CTCF: variants seen among roughly 807,000 people sequenced by gnomAD.
CTCF encodes transcriptional repressor CTCF.
In CTCF, 7 loss-of-function variants were observed where a neutral mutation model predicts 72.3. That is an observed-to-expected ratio of 0.10 (90% CI 0.06 to 0.18). The LOEUF (loss-of-function observed/expected upper bound fraction) is 0.18, where lower values mean the gene tolerates loss of function less well. Among genes scored for constraint, CTCF ranks in the 10% least tolerant of loss-of-function variants. The pLI, the probability that CTCF is intolerant of heterozygous loss-of-function variation, is 1.00. For synonymous variants in CTCF, 374 were observed against 315.8 expected (o/e 1.18, Z -1.95); for missense variants, 516 against 949.1 (o/e 0.54, Z 6.00).
intron 4 of CTCF, chr16:67,614,350 A>G (rs1207395477): frequency 5.9e-5 from 9 of 151,732 alleles, no homozygotes; most frequent in African/African-American, 2.2e-4. Flanking sequence ...CCATCTCAAA[A>G]AAAAAAAAAA....
intron 2 of CTCF, among the ~76,000 whole-genome samples, chr16:67,609,564 C>G (rs1442896211): frequency 6.7e-6 from 1 of 149,770 alleles, no homozygotes; most frequent in African/African-American, 2.5e-5. Flanking sequence ...CTTTAAGACT[C>G]TTTTATCTGT....
intron 2 of CTCF, among the ~76,000 whole-genome samples, chr16:67,586,484 C>T (rs894737212): frequency 4.7e-5 from 7 of 148,848 alleles, no homozygotes; most frequent in Admixed American, 4.1e-4. Flanking sequence ...TGCAGTGAGC[C>T]GAGATCGCGC....
chr16:67,604,545 G>A (rs541779341), intron 2 of CTCF, among the ~76,000 whole-genome samples: 1 of 152,162 alleles, frequency 6.6e-6, no homozygotes, highest in East Asian at 1.9e-4. Flanking sequence ...ATTTCGCCAT[G>A]TTAGCCAGGA....
At chr16:67,580,922 A>AT (rs1407694372) in intron 2 of CTCF, among the ~76,000 whole-genome samples, 1 of 142,726 alleles carries the variant, frequency 7.0e-6, no homozygotes, top group African/African-American at 2.6e-5. Flanking sequence ...GGATTTACTT[A>AT]TTTTTTATTT....
At position 67,637,673 on chromosome 16, in the gene CTCF, G is replaced by T; in HGVS notation, c.2000-15G>T. On this transcript the variant is annotated splice_polypyrimidine_tract_variant and intron_variant, in intron 11 of 11. Coordinates refer to ENST00000264010, the MANE Select transcript of CTCF (RefSeq NM_006565.4). Reference sequence around the variant, plus strand: ...TTAATGGACCATTTGTTCTGTCTGTGCTCTTCTTTGCCAGCAACAGCTATC... The same window carrying T: ...TTAATGGACCATTTGTTCTGTCTGTTCTCTTCTTTGCCAGCAACAGCTATC... The T allele has an allele frequency of 6.2e-7, 1 of 1,607,076 alleles. No homozygotes were observed. Among genetic ancestry groups the T allele is most frequent in the Non-Finnish European group, 8.5e-7 (1 of 1,175,480 alleles).
intron 2 of CTCF, among the ~76,000 whole-genome samples, chr16:67,588,748 G>A (rs904118301): frequency 9.2e-5 from 14 of 152,034 alleles, no homozygotes; most frequent in Non-Finnish European, 1.8e-4. Flanking sequence ...GTGCAGTGGC[G>A]TGAACTCAGC....
chr16:67,605,342 T>G (rs2051960101), intron 2 of CTCF, among the ~76,000 whole-genome samples: 1 of 152,226 alleles, frequency 6.6e-6, no homozygotes, highest in Admixed American at 6.5e-5. Flanking sequence ...TTATAAAGCA[T>G]TCTACAAATG....
chr16:67,636,614 T>C (rs2052433551), intron 10 of CTCF, 76 bp from the exon 11 acceptor site: 2 of 823,906 alleles, frequency 2.4e-6, no homozygotes, highest in Non-Finnish European at 3.5e-6. Context: ...CTTCAAATAA[T>C]ATATAATTGT....
In CTCF at chr16:67,579,025, T is replaced by A. The variant is rs1421547386; in HGVS notation, c.-10+7761T>A. ...ATCCCAGCACTTTGGGAGGCCAAGG[T>A]GCGTGGATCACCTGAGGTCAGGAGT... is the stretch of plus-strand genomic sequence containing the variant. On this transcript the variant is annotated intron_variant, in intron 2 of 11. Coordinates refer to ENST00000264010, the MANE Select transcript of CTCF (RefSeq NM_006565.4). Among the ~76,000 whole-genome samples the A allele has an allele frequency of 2.0e-5, 3 of 149,938 alleles. No homozygotes were observed. In the East Asian group the frequency reaches 6.1e-4, roughly 30 times the overall value.
At chr16:67,604,239 T>G (rs1163361910) in intron 2 of CTCF, among the ~76,000 whole-genome samples, 1 of 151,382 alleles carries the variant, frequency 6.6e-6, no homozygotes. Context: ...AGCCCAGGAG[T>G]TGGAGGTTAC....
chr16:67,602,258 TTA>T (rs1360045833), intron 2 of CTCF, among the ~76,000 whole-genome samples: 4 of 152,178 alleles, frequency 2.6e-5, no homozygotes, highest in Non-Finnish European at 5.9e-5. Flanking sequence ...TAGCATCAAA[TTA>T]TATGCTACAA....
At chr16:67,601,408 G>A (rs575849634) in intron 2 of CTCF, among the ~76,000 whole-genome samples, 5 of 150,398 alleles carry the variant, frequency 3.3e-5, no homozygotes, top group South Asian at 2.1e-4. Flanking sequence ...GCGTGATCTC[G>A]GCTCACTGCA....
intron 2 of CTCF, among the ~76,000 whole-genome samples, chr16:67,574,971 T>C (rs2051475447): frequency 6.6e-6 from 1 of 152,180 alleles, no homozygotes; most frequent in Non-Finnish European, 1.5e-5. Flanking sequence ...GCATCTATTC[T>C]TAACTGTGTG....
chr16:67,588,282 T>C (rs1415905137), intron 2 of CTCF, among the ~76,000 whole-genome samples: 1 of 152,216 alleles, frequency 6.6e-6, no homozygotes, highest in Non-Finnish European at 1.5e-5. Flanking sequence ...TGTGTGTAGT[T>C]TATTCCTATT....
chr16:67,608,267 TGAG>T (rs2052004290), intron 2 of CTCF, among the ~76,000 whole-genome samples: 1 of 150,272 alleles, frequency 6.7e-6, no homozygotes, highest in Non-Finnish European at 1.5e-5. Context: ...GAGCTTGCAG[TGAG>T]CGGAGATCGT....
chr16:67,612,500 GA>G (rs2052074077), intron 4 of CTCF: 1 of 160,134 alleles, frequency 6.2e-6, no homozygotes, highest in African/African-American at 2.4e-5. Flanking sequence ...TGAGGCAGGA[GA>G]ATGGCGTGAA....
chr16:67,620,832 C>T lies in CTCF; in HGVS notation c.1207+15C>T. ...AACCCATTCAGGTAGGACTTCTCCA[C>T]TCCTTACTGTATTAATGAGCTTCTT... On this transcript the variant is annotated intron_variant, in intron 6 of 11. Transcript: ENST00000264010. The T allele has an allele frequency of 6.4e-7, 1 of 1,566,140 alleles. No individual in the cohort carries two copies. The highest frequency in any genetic ancestry group is 8.7e-7 in the Non-Finnish European group (1 of 1,145,448).
rs1567619959 is a variant in CTCF at position 67,636,715 on chromosome 16, CAATGAG to C, written c.1864_1869del (p.Asn622_Glu623del). 1.2e-6 allele frequency: 2 copies of C among 1,608,556 alleles called. No homozygotes were observed. Among genetic ancestry groups the C allele is most frequent in the East Asian group, 4.5e-5 (2 of 44,568 alleles). Reference sequence around the variant, plus strand: ...AAAATGCTGAACCAGATCTGGACGACAATGAGGATGAGGAGGAGCCTGCCGTAGAAA... The same window carrying C: ...AAAATGCTGAACCAGATCTGGACGACGATGAGGAGGAGCCTGCCGTAGAAA... On this transcript the variant is annotated inframe_deletion, in exon 11 of 12. Coordinates refer to ENST00000264010, the MANE Select transcript of CTCF (RefSeq NM_006565.4).
At chr16:67,626,890 T>C (rs2052295146) in intron 8 of CTCF, 175 bp downstream of exon 8, 5 of 419,996 alleles carry the variant, frequency 1.2e-5, no homozygotes, top group Admixed American at 8.7e-5. Context: ...CATCCCGGTG[T>C]CCAGATGATG....
Sources: allele counts gnomAD v4.1 joint callset (sites outside exome capture counted in the v4.1 genomes callset), GRCh38; gene constraint gnomAD v4.1.1; transcripts MANE v1.5; gene names NCBI Gene and HGNC (gene_info 2026-07-23, HGNC 2026-07-21).